SERP2: variants seen among roughly 807,000 people sequenced by gnomAD.
SERP2 encodes the protein stress-associated endoplasmic reticulum protein 2.
SERP2 carries 6 observed loss-of-function variants against 9.1 expected under a neutral mutation model. The ratio of observed to expected loss-of-function variants is 0.66; its 90% confidence interval spans 0.36 to 1.30. The LOEUF is 1.30. Among genes scored for constraint, SERP2 ranks in the 50% most tolerant of loss-of-function variants. The pLI, the probability that SERP2 is intolerant of heterozygous loss-of-function variation, is 0.03. For synonymous variants in SERP2, 37 were observed against 27.3 expected (o/e 1.35, Z -1.10); for missense variants, 58 against 81.9 (o/e 0.71, Z 1.13).
intron 2 of SERP2, among the ~76,000 whole-genome samples, chr13:44,379,943 G>C (rs1595049099): frequency 6.6e-6 from 1 of 152,170 alleles, no homozygotes; most frequent in Non-Finnish European, 1.5e-5. Context: ...ACACTGAGTA[G>C]TTAAAGTGGC....
At chr13:44,385,662 A>G (rs1427653323) in intron 2 of SERP2, among the ~76,000 whole-genome samples, 1 of 152,214 alleles carries the variant, frequency 6.6e-6, no homozygotes, top group Non-Finnish European at 1.5e-5. Flanking sequence ...GGATAGTTTC[A>G]GGATCTGCCA....
At chr13:44,383,063 CTA>C (rs1456781185) in intron 2 of SERP2, among the ~76,000 whole-genome samples, 1 of 152,138 alleles carries the variant, frequency 6.6e-6, no homozygotes, top group Non-Finnish European at 1.5e-5. Context: ...CATGGGAACA[CTA>C]TGTGGCGGTG....
chr13:44,394,556 T>C (rs943557546), intron 2 of SERP2, among the ~76,000 whole-genome samples: 4 of 152,234 alleles, frequency 2.6e-5, no homozygotes, highest in African/African-American at 9.6e-5. Flanking sequence ...CACAGATGGT[T>C]TCCTATTTGT....
intron 2 of SERP2, among the ~76,000 whole-genome samples, chr13:44,388,256 G>A (rs1035353238): frequency 2.3e-5 from 3 of 132,518 alleles, no homozygotes; most frequent in African/African-American, 8.7e-5. Flanking sequence ...TTGTGTGTGT[G>A]TGTTTGTATA....
At chr13:44,387,705 TTC>T (rs1021169672) in intron 2 of SERP2, among the ~76,000 whole-genome samples, 1 of 152,232 alleles carries the variant, frequency 6.6e-6, no homozygotes, top group African/African-American at 2.4e-5. Context: ...ACGGTTGTAT[TTC>T]TCTCTGTCCT....
chr13:44,397,161 G>A (rs1336783389), intron 2 of SERP2, 111 bp from the exon 3 acceptor site: 2 of 820,204 alleles, frequency 2.4e-6, no homozygotes, highest in Admixed American at 1.9e-5. Flanking sequence ...CTAATCAGCT[G>A]TGAGCTAACA....
intron 2 of SERP2, among the ~76,000 whole-genome samples, chr13:44,394,291 A>G (rs192813489): frequency 7.4e-4 from 113 of 152,012 alleles, no homozygotes; most frequent in African/African-American, 2.5e-3. Flanking sequence ...CACCCAGCTA[A>G]TTTTTGTATT....
chr13:44,378,308 C>T (rs1401277455), intron 1 of SERP2, among the ~76,000 whole-genome samples: 1 of 152,146 alleles, frequency 6.6e-6, no homozygotes, highest in East Asian at 1.9e-4. Context: ...TTGTTAGAAA[C>T]ATTACTAAAA....
intron 2 of SERP2, among the ~76,000 whole-genome samples, chr13:44,392,899 C>T (rs1466321301): frequency 3.3e-5 from 5 of 152,138 alleles, no homozygotes; most frequent in African/African-American, 9.7e-5. Flanking sequence ...AAGCCAGTGA[C>T]GTTCATTGCA....
intron 1 of SERP2, among the ~76,000 whole-genome samples, chr13:44,375,888 A>C (rs1871622160): frequency 6.6e-6 from 1 of 152,276 alleles, no homozygotes; most frequent in Non-Finnish European, 1.5e-5. Flanking sequence ...TAAAAGAAGA[A>C]AATGGAAAAA....
chr13:44,385,583 T>C (rs571539162), intron 2 of SERP2, among the ~76,000 whole-genome samples: 5 of 152,194 alleles, frequency 3.3e-5, no homozygotes, highest in Non-Finnish European at 7.3e-5. Flanking sequence ...ATTGCAAAAG[T>C]TGTCTTAGGC....
Position 44,378,365 on chromosome 13 carries a change from C to T in SERP2, c.85-1276C>T, listed in dbSNP as rs541493626. 8.6e-4 allele frequency among the ~76,000 whole-genome samples: 131 copies of T among 152,256 alleles called. 1 individual carries two copies. The South Asian group carries it at 0.026, about 30-fold the overall frequency. ...TTACATCCTTGATGATAGCACCACT[C>T]GTTTTTTTTGAAACACTATTACATA... On this transcript the variant is annotated intron_variant, in intron 1 of 2. Coordinates refer to ENST00000379179, the MANE Select transcript of SERP2 (RefSeq NM_001010897.3).
At chr13:44,382,103 T>A (rs576335102) in intron 2 of SERP2, among the ~76,000 whole-genome samples, 5 of 152,116 alleles carry the variant, frequency 3.3e-5, no homozygotes, top group Admixed American at 3.3e-4. Context: ...TATAAAACTT[T>A]ATGACTTTTT....
intron 2 of SERP2, among the ~76,000 whole-genome samples, chr13:44,389,563 G>A (rs1377906200): frequency 6.6e-6 from 1 of 152,184 alleles, no homozygotes; most frequent in East Asian, 1.9e-4. Flanking sequence ...GAATGCTTAA[G>A]AGGGAAGAAA....
At chr13:44,379,755 G>T in intron 2 of SERP2, 42 bp downstream of exon 2, 1 of 1,401,784 alleles carries the variant, frequency 7.1e-7, no homozygotes, top group Non-Finnish European at 9.9e-7. Context: ...GTTCTCCACT[G>T]GCCTTTGAAA....
intron 2 of SERP2, among the ~76,000 whole-genome samples, chr13:44,382,398 C>T (rs1338702174): frequency 7.6e-6 from 1 of 130,856 alleles, no homozygotes; most frequent in Non-Finnish European, 1.6e-5. Context: ...GATTGTGCCA[C>T]TGCACTCCAG....
chr13:44,395,690 A>G (rs1873058319), intron 2 of SERP2: 1 of 327,880 alleles, frequency 3.0e-6, no homozygotes, highest in Admixed American at 3.7e-5. Flanking sequence ...AAATATCACA[A>G]GTTGTTGGAC....
At chr13:44,397,188 T>G in intron 2 of SERP2, 84 bp from the exon 3 acceptor site, 1 of 1,054,190 alleles carries the variant, frequency 9.5e-7, no homozygotes. Context: ...GGCCCAGGGG[T>G]CTGCAGAAGC....
Position 44,389,371 on chromosome 13 carries a change from A to C in SERP2, c.158-7901A>C, listed in dbSNP as rs187304358. ...TAAAAGAGGATGGTACTGGTTCCTA[A>C]CTCCTGAGACTCTCAGGACTATTAA... On this transcript the variant is annotated intron_variant, in intron 2 of 2. Transcript: ENST00000379179. Among the ~76,000 whole-genome samples the C allele has an allele frequency of 2.6e-5, 4 of 152,156 alleles. No individual in the cohort carries two copies. In the East Asian group the frequency reaches 7.7e-4, roughly 29 times the overall value.
Sources: gnomAD v4.1 joint callset for allele counts (sites outside exome capture counted in the v4.1 genomes callset) on GRCh38, gnomAD v4.1.1 for gene constraint, MANE v1.5 for transcripts, NCBI Gene and HGNC (gene_info 2026-07-23, HGNC 2026-07-21) for gene names.